The following L3MBTL3 variants were observed in gnomAD, a reference collection of about 807,000 sequenced individuals.
L3MBTL3 encodes L3MBTL histone methyl-lysine binding protein 3.
In L3MBTL3, 27 loss-of-function variants were observed where a neutral mutation model predicts 102.3. That is an observed-to-expected ratio of 0.26 (90% CI 0.19 to 0.36). L3MBTL3 has a LOEUF of 0.36. L3MBTL3 is among the 10% of genes least tolerant of loss of function. L3MBTL3 has a pLI of 1.00. For missense variants in L3MBTL3, 798 were observed against 955.3 expected (o/e 0.84, Z 2.17); for synonymous variants, 340 against 320.9 (o/e 1.06, Z -0.64).
At chr6:130,070,465 C>A (rs897509148) in intron 12 of L3MBTL3, among the ~76,000 whole-genome samples, 1 of 152,146 alleles carries the variant, frequency 6.6e-6, no homozygotes, top group African/African-American at 2.4e-5. Flanking sequence ...TGCAGCCTTT[C>A]ATATATGAAG....
At chr6:130,103,414 T>C (rs1412201917) in intron 18 of L3MBTL3, among the ~76,000 whole-genome samples, 1 of 152,188 alleles carries the variant, frequency 6.6e-6, no homozygotes, top group Non-Finnish European at 1.5e-5. Context: ...CTTCCCTCCT[T>C]TTCCTAGGAG....
intron 6 of L3MBTL3, among the ~76,000 whole-genome samples, chr6:130,052,559 G>A (rs1019199866): frequency 6.6e-6 from 1 of 152,186 alleles, no homozygotes; most frequent in Non-Finnish European, 1.5e-5. Flanking sequence ...AGTATAGATG[G>A]TAGATGTGAC....
intron 19 of L3MBTL3, among the ~76,000 whole-genome samples, chr6:130,108,231 GTTTTTT>G (rs869221525): frequency 1.1e-5 from 1 of 91,052 alleles, no homozygotes; most frequent in Non-Finnish European, 2.1e-5. Context: ...TTTTTTTTTT[GTTTTTT>G]TTTTTTTTTT....
At chr6:130,029,416 G>C (rs1420327982) in intron 2 of L3MBTL3, among the ~76,000 whole-genome samples, 2 of 152,300 alleles carry the variant, frequency 1.3e-5, no homozygotes, top group South Asian at 4.1e-4. Context: ...ACATGAGGAC[G>C]TTTTTATGCC....
intron 19 of L3MBTL3, among the ~76,000 whole-genome samples, chr6:130,110,074 A>G (rs1785255046): frequency 6.6e-6 from 1 of 152,188 alleles, no homozygotes; most frequent in South Asian, 2.1e-4. Context: ...TTTTGGTACC[A>G]GTACCATGCT....
At chr6:130,049,876 C>T (rs1780982932) in intron 5 of L3MBTL3, 46 bp downstream of exon 5, 1 of 1,569,218 alleles carries the variant, frequency 6.4e-7, no homozygotes, top group Non-Finnish European at 8.6e-7. Flanking sequence ...TTTTCTATTT[C>T]TTTCTCCCCT....
rs1213812491 is a variant in L3MBTL3 at position 130,093,461 on chromosome 6, C to CAGTG, written c.1633+604_1633+607dup. ...AAAAAATTTAGTGTACTTCTGTATC[C>CAGTG]AGTGACTTCACTTCTGGATGCTACA... On this transcript the variant is annotated intron_variant, in intron 17 of 22. Coordinates refer to ENST00000361794, the MANE Select transcript of L3MBTL3 (RefSeq NM_032438.4). Among the ~76,000 whole-genome samples the CAGTG allele has an allele frequency of 2.6e-5, 4 of 152,194 alleles. No individual in the cohort carries two copies. The South Asian group carries it at 8.3e-4, about 32-fold the overall frequency.
At chr6:130,026,584 T>C (rs1381540865) in intron 2 of L3MBTL3, among the ~76,000 whole-genome samples, 1 of 152,056 alleles carries the variant, frequency 6.6e-6, no homozygotes, top group East Asian at 1.9e-4. Context: ...CTTTCTTCTT[T>C]TTTTTTTCTT....
At chr6:130,093,133 AATTT>A (rs1784160717) in intron 17 of L3MBTL3, among the ~76,000 whole-genome samples, 1 of 152,224 alleles carries the variant, frequency 6.6e-6, no homozygotes, top group Admixed American at 6.5e-5. Flanking sequence ...TTTGGAAGAC[AATTT>A]GTGAGACTTT....
rs1189968574 is a variant in L3MBTL3, at chr6:130,140,770, T to A, written c.*1017T>A. ...TGCATTGTCCTCCAAACCCAAAGGTTTTTTTCAGGGTTGGCTAGAGAGCGA... is the reference window on the plus strand; with the variant it reads ...TGCATTGTCCTCCAAACCCAAAGGTATTTTTCAGGGTTGGCTAGAGAGCGA... On this transcript the variant is annotated 3_prime_UTR_variant, in exon 23 of 23. Transcript: ENST00000361794. 5 of 152,250 alleles carry A rather than the reference T, an allele frequency of 3.3e-5. 1 individual carries two copies. The highest frequency in any genetic ancestry group is 7.3e-5 in the Non-Finnish European group (5 of 68,040). 9.4% of individuals were successfully genotyped at this position (152,250 alleles called of 1,614,324 possible).
chr6:130,043,324 C>T (rs1237589196), intron 3 of L3MBTL3, among the ~76,000 whole-genome samples: 1 of 152,118 alleles, frequency 6.6e-6, no homozygotes, highest in East Asian at 1.9e-4. Context: ...AAATCGGGTT[C>T]TTCCTGTAAA....
At chr6:130,125,657 AG>A (rs1786548734) in intron 20 of L3MBTL3, among the ~76,000 whole-genome samples, 1 of 152,220 alleles carries the variant, frequency 6.6e-6, no homozygotes, top group Non-Finnish European at 1.5e-5. Context: ...GTGAACCTAC[AG>A]GTGCCCACCA....
At chr6:130,105,621 C>CAAAAAA (rs35147208) in intron 19 of L3MBTL3, among the ~76,000 whole-genome samples, 3 of 122,510 alleles carry the variant, frequency 2.4e-5, no homozygotes, top group Non-Finnish European at 3.3e-5. Context: ...GACCCTGTCT[C>CAAAAAA]AAAAAAAAAA....
intron 9 of L3MBTL3, among the ~76,000 whole-genome samples, chr6:130,057,821 A>C (rs567858486): frequency 6.6e-6 from 1 of 152,324 alleles, no homozygotes; most frequent in African/African-American, 2.4e-5. Flanking sequence ...AGGAAATTTC[A>C]TGTCAACATT....
chr6:130,019,567 G>T (rs2114364246), intron 1 of L3MBTL3: 2 of 151,114 alleles, frequency 1.3e-5, no homozygotes, highest in Admixed American at 1.3e-4. Flanking sequence ...TCCCCGGCGT[G>T]TGCTGTGTGT....
chr6:130,066,787 GA>G (rs1782289945), intron 11 of L3MBTL3, among the ~76,000 whole-genome samples: 1 of 151,958 alleles, frequency 6.6e-6, no homozygotes, highest in Non-Finnish European at 1.5e-5. Flanking sequence ...ATACATCTTT[GA>G]AAAAACTGAT....
chr6:130,092,677 G>A, intron 16 of L3MBTL3, 68 bp from the exon 17 acceptor site: 1 of 895,628 alleles, frequency 1.1e-6, no homozygotes, highest in Middle Eastern at 2.2e-4. Context: ...GTTATGCTGT[G>A]GGCAGAACTT....
chr6:130,128,002 CA>C (rs1414531950), intron 20 of L3MBTL3, among the ~76,000 whole-genome samples: 1 of 152,004 alleles, frequency 6.6e-6, no homozygotes, highest in African/African-American at 2.4e-5. Context: ...CTGAAGTGTA[CA>C]AAATACTTTG....
At chr6:130,131,159 C>A (rs1489775583) in intron 20 of L3MBTL3, among the ~76,000 whole-genome samples, 4 of 152,098 alleles carry the variant, frequency 2.6e-5, no homozygotes, top group Non-Finnish European at 4.4e-5. Flanking sequence ...GAAGTCATTT[C>A]TTAACCAAAT....
Sources: allele counts gnomAD v4.1 joint callset (sites outside exome capture counted in the v4.1 genomes callset), GRCh38; gene constraint gnomAD v4.1.1; transcripts MANE v1.5; gene names NCBI Gene and HGNC (gene_info 2026-07-23, HGNC 2026-07-21).